The following PTPN3 variants were observed in gnomAD, a reference collection of about 807,000 sequenced individuals.
PTPN3 encodes the protein tyrosine-protein phosphatase non-receptor type 3.
PTPN3 carries 96 observed loss-of-function variants against 132.7 expected under a neutral mutation model. The observed-to-expected ratio is 0.72, with a 90% confidence interval of 0.61 to 0.86. The LOEUF (loss-of-function observed/expected upper bound fraction) is 0.86. PTPN3 is among the 40% of genes least tolerant of loss of function. The probability of loss-of-function intolerance (pLI) is 0.00; values close to 1 mark genes in which losing one functional copy is unlikely to be tolerated. For synonymous variants in PTPN3, 398 were observed against 429.0 expected (o/e 0.93, Z 0.89); for missense variants, 1,125 against 1,159.6 (o/e 0.97, Z 0.43).
At chr9:109,475,675 G>C (rs768679098) in intron 1 of PTPN3, among the ~76,000 whole-genome samples, 31 of 152,208 alleles carry the variant, frequency 2.0e-4, no homozygotes, top group Non-Finnish European at 4.0e-4. Flanking sequence ...TTGGGTGTCA[G>C]TCCACGATAT....
intron 1 of PTPN3, among the ~76,000 whole-genome samples, chr9:109,466,942 C>T (rs1369499437): frequency 1.3e-5 from 2 of 151,760 alleles, no homozygotes; most frequent in South Asian, 2.1e-4. Flanking sequence ...CACTTGGTCT[C>T]ATATCATTAT....
chr9:109,534,041 T>C, the PTPN3 span: 1 of 770,132 alleles, frequency 1.3e-6, no homozygotes, highest in Non-Finnish European at 2.4e-6. Flanking sequence ...AGGTACCTCC[T>C]GGGGTTATTC....
At chr9:109,494,152 G>A (rs1178081904) in intron 1 of PTPN3, among the ~76,000 whole-genome samples, 2 of 152,218 alleles carry the variant, frequency 1.3e-5, no homozygotes, top group Non-Finnish European at 2.9e-5. Flanking sequence ...ACCAGAGCAG[G>A]TGGGTTCTGC....
chr9:109,438,128 C>A lies in PTPN3; in HGVS notation c.573G>T (p.Leu191=). Residue 191 remains leucine (L), a synonymous_variant, in exon 8 of 26, where the codon CTG becomes CTT. Transcript: ENST00000374541. ...NEDFLTKVES[L]HEQHSGLKQS... ...GCCCCCCTCACCTGTGCTGCTCATG[C>A]AGAGATTCGACTTTTGTTAAAAAGT... is the stretch of plus-strand genomic sequence containing the variant. 1.2e-6 allele frequency: 2 copies of A among 1,613,750 alleles called. No homozygotes were observed. Among genetic ancestry groups the A allele is most frequent in the Non-Finnish European group, 1.7e-6 (2 of 1,179,858 alleles).
chr9:109,478,954 GTCTTTTCTTTT>G (rs1409628001), intron 1 of PTPN3, among the ~76,000 whole-genome samples: 1 of 151,836 alleles, frequency 6.6e-6, no homozygotes, highest in East Asian at 1.9e-4. Flanking sequence ...ACCTCTTCTG[GTCTTTTCTTTT>G]TCTTTTCTTT....
chr9:109,388,977 G>T (rs1277257626), intron 22 of PTPN3, among the ~76,000 whole-genome samples: 3 of 152,164 alleles, frequency 2.0e-5, no homozygotes, highest in Non-Finnish European at 4.4e-5. Context: ...TCACTGCAGG[G>T]GTGTTGGGGC....
the PTPN3 span, among the ~76,000 whole-genome samples, chr9:109,527,761 A>G: frequency 2.0e-5 from 3 of 152,244 alleles, no homozygotes; most frequent in Non-Finnish European, 4.4e-5. Context: ...ATATCAATAA[A>G]AATAGATAAG....
intron 18 of PTPN3, 56 bp downstream of exon 18, chr9:109,406,406 G>A: frequency 1.3e-6 from 2 of 1,570,540 alleles, no homozygotes; most frequent in Admixed American, 1.7e-5. Flanking sequence ...GGCTGGAGCA[G>A]GCGCAGCTTG....
chr9:109,427,051 G>A lies in PTPN3; in HGVS notation c.900C>T (p.Ser300=), dbSNP rs1253228771. Residue 300 remains serine (S), a synonymous_variant, in exon 12 of 26, where the codon TCC becomes TCT. Coordinates refer to ENST00000374541, the MANE Select transcript of PTPN3 (RefSeq NM_002829.4). ...NYRSCKNLWK[S]CVEHHTFFQA... ...GAAAGAACGTATGGTGCTCAACACA[G>A]GATTTCCACAAGTTTTTGCAAGATC... is the stretch of plus-strand genomic sequence containing the variant. The A allele has an allele frequency of 6.2e-7, 1 of 1,613,966 alleles. No homozygotes were observed. Among genetic ancestry groups the A allele is most frequent in the Non-Finnish European group, 8.5e-7 (1 of 1,179,842 alleles).
the PTPN3 span, among the ~76,000 whole-genome samples, chr9:109,506,004 G>C: frequency 3.3e-5 from 5 of 152,200 alleles, no homozygotes; most frequent in Admixed American, 3.3e-4. Context: ...GCCTGCCTCA[G>C]CCTCCCAAAG....
At chr9:109,382,678 T>G (rs1449332243) in intron 23 of PTPN3, among the ~76,000 whole-genome samples, 1 of 151,430 alleles carries the variant, frequency 6.6e-6, no homozygotes, top group African/African-American at 2.4e-5. Context: ...TTCTGCCCAG[T>G]GATCTCCTCT....
chr9:109,398,438 G>T (rs913657094), intron 19 of PTPN3, among the ~76,000 whole-genome samples: 1 of 152,096 alleles, frequency 6.6e-6, no homozygotes, highest in Admixed American at 6.6e-5. Flanking sequence ...GACATTAATG[G>T]CTATCTTCTA....
chr9:109,433,623 T>C (rs1843817566), intron 9 of PTPN3, among the ~76,000 whole-genome samples: 1 of 152,220 alleles, frequency 6.6e-6, no homozygotes, highest in Admixed American at 6.5e-5. Context: ...AAATAAATGT[T>C]GGCTGGGTGA....
intron 1 of PTPN3, among the ~76,000 whole-genome samples, chr9:109,469,897 G>A (rs1376082733): frequency 1.3e-5 from 2 of 152,070 alleles, no homozygotes; most frequent in African/African-American, 4.8e-5. Flanking sequence ...AGGGAAACAG[G>A]GACAGCTCTG....
rs146838121 is a variant in PTPN3 at position 109,431,279 on chromosome 9, G to C, written c.764+1794C>G. ...CACTTCTCTCTCCTGCAGTGACCTT[G>C]TGGGACCCACATCTTCTCCACAATG... is the stretch of plus-strand genomic sequence containing the variant. On this transcript the variant is annotated intron_variant, in intron 10 of 25. Transcript: ENST00000374541. Among the ~76,000 whole-genome samples, 801 of 152,334 alleles carry C rather than the reference G, an allele frequency of 5.3e-3. 23 individuals carry two copies. The highest frequency in any genetic ancestry group is 0.048 in the Admixed American group (735 of 15,300).
chr9:109,525,544 G>C, the PTPN3 span, among the ~76,000 whole-genome samples: 2 of 152,204 alleles, frequency 1.3e-5, no homozygotes, highest in African/African-American at 4.8e-5. Flanking sequence ...GGCCCAGGGA[G>C]TGGTATTTTA....
intron 2 of PTPN3, among the ~76,000 whole-genome samples, chr9:109,462,232 G>C (rs1361075759): frequency 6.6e-6 from 1 of 152,194 alleles, no homozygotes; most frequent in South Asian, 2.1e-4. Flanking sequence ...GACGTCTGCA[G>C]CCAAGGCACT....
chr9:109,420,437 T>G lies in PTPN3; in HGVS notation c.1300A>C (p.Ser434Arg), dbSNP rs1435949343. The G allele has an allele frequency of 6.3e-7, 1 of 1,599,928 alleles. No individual in the cohort carries two copies. Among genetic ancestry groups the G allele is most frequent in the East Asian group, 2.2e-5 (1 of 44,518 alleles). The change falls in exon 14 of 26, where the codon AGC (serine) becomes CGC (arginine). Residue 434 changes from serine to arginine, a missense_variant. Physicochemically the swap from Ser to Arg is moderately radical, Grantham distance 110 (BLOSUM62 -1). Coordinates refer to ENST00000374541, the MANE Select transcript of PTPN3 (RefSeq NM_002829.4). Reference protein sequence around the residue: ...DSDSEVSQNRSPHQESLSENN... With the variant: ...DSDSEVSQNRRPHQESLSENN... ...CGAGTTTCTTACTCTTGGTGCGGGCTTCGGTTCTGAGAAACTTCAGAATCG... is the reference window on the plus strand; with the variant it reads ...CGAGTTTCTTACTCTTGGTGCGGGCGTCGGTTCTGAGAAACTTCAGAATCG...
chr9:109,513,977 C>T, the PTPN3 span, among the ~76,000 whole-genome samples: 2 of 152,092 alleles, frequency 1.3e-5, no homozygotes, highest in African/African-American at 4.8e-5. Flanking sequence ...CTTAACAAGC[C>T]CCAAGCTAAC....
Sources: allele counts gnomAD v4.1 joint callset (sites outside exome capture counted in the v4.1 genomes callset), GRCh38; gene constraint gnomAD v4.1.1; transcripts MANE v1.5; gene names NCBI Gene and HGNC (gene_info 2026-07-23, HGNC 2026-07-21).